The following NCK2 variants were observed in gnomAD, a reference collection of about 807,000 sequenced individuals.
The protein encoded by NCK2 is cytoplasmic protein NCK2.
Under a neutral mutation model 33.9 loss-of-function variants are expected in NCK2, and 16 were observed. The observed-to-expected ratio is 0.47, with a 90% CI of 0.32 to 0.72. NCK2 has a LOEUF of 0.72. NCK2 is among the 30% of genes least tolerant of loss of function. The pLI is 0.03. For synonymous variants in NCK2, 273 were observed against 239.9 expected, an observed-to-expected ratio of 1.14 and a Z score of -1.27; for missense variants, 418 against 537.3, an observed-to-expected ratio of 0.78 and a Z score of 2.19.
chr2:105,819,952 C>T (rs935741640), intron 2 of NCK2, among the ~76,000 whole-genome samples: 7 of 152,120 alleles, frequency 4.6e-5, no homozygotes, highest in African/African-American at 1.7e-4. Context: ...TCCCAGCCAC[C>T]TTTCCCCATG....
chr2:105,823,139 TG>T (rs1675809690), intron 2 of NCK2, among the ~76,000 whole-genome samples: 7 of 23,864 alleles, frequency 2.9e-4, no homozygotes, highest in African/African-American at 2.3e-3. Flanking sequence ...ATGCTGTGTG[TG>T]TGTGTGTGTG....
At chr2:105,765,786 GGT>G (rs56917992) in intron 1 of NCK2, among the ~76,000 whole-genome samples, 1,503 of 147,208 alleles carry the variant, frequency 0.01, 18 homozygotes, top group African/African-American at 0.026. Context: ...TAGAATAGGG[GGT>G]GTGTGTGTGT....
Position 105,893,501 on chromosome 2 carries a change from C to T in NCK2, c.*325C>T, listed in dbSNP as rs979374235. The T allele has an allele frequency of 5.1e-5, 15 of 293,810 alleles. No individual in the cohort carries two copies. Among genetic ancestry groups the T allele is most frequent in the South Asian group, 4.8e-4 (11 of 22,736 alleles). 18.2% of individuals were successfully genotyped at this position (293,810 alleles called of 1,614,324 possible). On this transcript the variant is annotated 3_prime_UTR_variant, in exon 5 of 5. Transcript: ENST00000233154. Reference sequence around the variant, plus strand: ...TAAAAAGACGCAGGGCACCTGTGAGCGCAGGAGCGAGCCTAAGGCCACCCA... The same window carrying T: ...TAAAAAGACGCAGGGCACCTGTGAGTGCAGGAGCGAGCCTAAGGCCACCCA...
chr2:105,756,450 C>G (rs1219625857), intron 1 of NCK2, among the ~76,000 whole-genome samples: 2 of 152,186 alleles, frequency 1.3e-5, no homozygotes, highest in Admixed American at 1.3e-4. Flanking sequence ...AACTTTGGAA[C>G]GATGTGTGTT....
chr2:105,781,858 A>G (rs1690508671), intron 1 of NCK2, among the ~76,000 whole-genome samples: 1 of 152,186 alleles, frequency 6.6e-6, no homozygotes, highest in African/African-American at 2.4e-5. Context: ...CTCATTAGGC[A>G]TTTGCTGAAT....
In NCK2 at chr2:105,766,476, A is replaced by G. The variant is rs112497297; in HGVS notation, c.-201+21338A>G. Among the ~76,000 whole-genome samples, 234 of 152,256 alleles carry G rather than the reference A, an allele frequency of 1.5e-3. 1 individual carries two copies. Among genetic ancestry groups the G allele is most frequent in the African/African-American group, 5.4e-3 (225 of 41,526 alleles). On this transcript the variant is annotated intron_variant, in intron 1 of 4. Coordinates refer to ENST00000233154, the MANE Select transcript of NCK2 (RefSeq NM_003581.5). ...GTAGCTGAGACTACAGGCATACACC[A>G]GCCCCAGTGAAGTTTTTAATTTTTG...
chr2:105,823,391 G>A (rs369277997), intron 2 of NCK2, among the ~76,000 whole-genome samples: 3 of 151,990 alleles, frequency 2.0e-5, no homozygotes, highest in East Asian at 1.9e-4. Flanking sequence ...CCCCATTCCC[G>A]TGCTGCAGGT....
At chr2:105,832,237 A>G (rs1378050202) in intron 2 of NCK2, among the ~76,000 whole-genome samples, 3 of 152,172 alleles carry the variant, frequency 2.0e-5, no homozygotes, top group African/African-American at 4.8e-5. Flanking sequence ...GTATCCTGCA[A>G]TTTCACCGGA....
chr2:105,769,859 C>A (rs1690071719), intron 1 of NCK2, among the ~76,000 whole-genome samples: 1 of 152,206 alleles, frequency 6.6e-6, no homozygotes, highest in South Asian at 2.1e-4. Flanking sequence ...TTTGGCCTCT[C>A]CTCCTTCCGT....
rs868575276 is a variant in NCK2, at chr2:105,893,511, A to T, written c.*335A>T. 1.9e-5 allele frequency: 5 copies of T among 265,462 alleles called. No homozygotes were observed. Among genetic ancestry groups the T allele is most frequent in the African/African-American group, 1.1e-4 (5 of 46,298 alleles). 16.4% of individuals were successfully genotyped at this position (265,462 alleles called of 1,614,324 possible). A position where few individuals can be genotyped will look rare whatever the true frequency, so the allele number is the denominator to read the frequency against. ...CAGGGCACCTGTGAGCGCAGGAGCGAGCCTAAGGCCACCCAGCGGCAGCGC... is the reference window on the plus strand; with the variant it reads ...CAGGGCACCTGTGAGCGCAGGAGCGTGCCTAAGGCCACCCAGCGGCAGCGC... On this transcript the variant is annotated 3_prime_UTR_variant, in exon 5 of 5. Transcript: ENST00000233154.
chr2:105,752,736 T>C (rs1048739426), intron 1 of NCK2, among the ~76,000 whole-genome samples: 1 of 152,242 alleles, frequency 6.6e-6, no homozygotes, highest in Non-Finnish European at 1.5e-5. Flanking sequence ...GATAATGGCC[T>C]CCAGTTCCAT....
intron 4 of NCK2, among the ~76,000 whole-genome samples, chr2:105,884,876 CTTA>C (rs1678660537): frequency 6.6e-6 from 1 of 152,154 alleles, no homozygotes; most frequent in Admixed American, 6.5e-5. Context: ...ATTGTTGTTG[CTTA>C]TTCTCCATAT....
chr2:105,815,865 C>T (rs924216608), intron 1 of NCK2, among the ~76,000 whole-genome samples: 1 of 152,178 alleles, frequency 6.6e-6, no homozygotes, highest in Admixed American at 6.5e-5. Context: ...GGGCAGACTC[C>T]CTTTTATTTC....
chr2:105,770,756 A>G (rs1690109538), intron 1 of NCK2, among the ~76,000 whole-genome samples: 1 of 152,184 alleles, frequency 6.6e-6, no homozygotes, highest in East Asian at 1.9e-4. Flanking sequence ...GGTCAAGAAA[A>G]ATAATACTTC....
chr2:105,824,405 G>T (rs907583158), intron 2 of NCK2, among the ~76,000 whole-genome samples: 9 of 152,196 alleles, frequency 5.9e-5, no homozygotes, highest in African/African-American at 2.2e-4. Flanking sequence ...TTATGTTGAA[G>T]ATTTTGTTGT....
intron 1 of NCK2, among the ~76,000 whole-genome samples, chr2:105,748,665 G>T (rs975621605): frequency 6.6e-6 from 1 of 152,066 alleles, no homozygotes; most frequent in Non-Finnish European, 1.5e-5. Context: ...TGAGCCTCCT[G>T]CCTTGACCTC....
chr2:105,858,252 C>T (rs975880504), intron 3 of NCK2, among the ~76,000 whole-genome samples: 4 of 151,972 alleles, frequency 2.6e-5, no homozygotes, highest in Non-Finnish European at 4.4e-5. Context: ...ATACTGACCA[C>T]GGTTTGTTTT....
chr2:105,837,152 G>T (rs1413747235), intron 2 of NCK2, among the ~76,000 whole-genome samples: 3 of 152,126 alleles, frequency 2.0e-5, no homozygotes, highest in Non-Finnish European at 2.9e-5. Context: ...CTGAATTCCA[G>T]TGTTCTCCCT....
At chr2:105,866,918 G>T (rs1677790036) in intron 3 of NCK2, among the ~76,000 whole-genome samples, 2 of 152,202 alleles carry the variant, frequency 1.3e-5, no homozygotes, top group African/African-American at 4.8e-5. Context: ...CATGTAAAAG[G>T]AGAAGCTGAT....
Sources: allele counts gnomAD v4.1 joint callset (sites outside exome capture counted in the v4.1 genomes callset), GRCh38; gene constraint gnomAD v4.1.1; transcripts MANE v1.5; gene names NCBI Gene and HGNC (gene_info 2026-07-23, HGNC 2026-07-21).